The following DISP3 variants were observed in gnomAD, a reference collection of about 807,000 sequenced individuals.
The protein encoded by DISP3 is protein dispatched homolog 3.
In DISP3, 101 loss-of-function variants were observed where a neutral mutation model predicts 135.3. That is an observed-to-expected ratio of 0.75 (90% CI 0.64 to 0.88). The LOEUF (loss-of-function observed/expected upper bound fraction) is 0.88. Ranked by LOEUF, DISP3 falls within the 40% of genes least tolerant of loss-of-function variation. The probability of loss-of-function intolerance (pLI) is 0.00; values close to 1 mark genes in which losing one functional copy is unlikely to be tolerated. For missense variants in DISP3, 1,713 were observed against 1,878.6 expected (o/e 0.91, Z 1.63); for synonymous variants, 856 against 817.0 (o/e 1.05, Z -0.81).
At chr1:11,518,530 C>A (rs750423936) in intron 7 of DISP3, among the ~76,000 whole-genome samples, 15 of 152,148 alleles carry the variant, frequency 9.9e-5, no homozygotes, top group Non-Finnish European at 1.9e-4. Flanking sequence ...GAAAGGGCGC[C>A]TTTTCTGATC....
intron 1 of DISP3, among the ~76,000 whole-genome samples, chr1:11,488,718 GAGGACTGATTCT>G: frequency 6.6e-6 from 1 of 152,260 alleles, no homozygotes; most frequent in South Asian, 2.1e-4. Flanking sequence ...TGGGGGTTGG[GAGGACTGATTCT>G]AGGACCCTGA....
Position 11,501,238 on chromosome 1 carries a change from C to CAGCAT in DISP3, c.247_251dup (p.Pro85AlafsTer144). On this transcript the variant is annotated frameshift_variant, in exon 2 of 21. Coordinates refer to ENST00000294484, the MANE Select transcript of DISP3 (RefSeq NM_020780.2). LOFTEE classifies it high-confidence loss of function. This position sits in a 1 kb window ranked among gnomAD's most constrained non-coding sequence, Gnocchi z 4.9. ...CTGGGCTGGTGCTCTTCCTGGGCTGCAGCATCCCCATGGCCCTGTCAGCCT... is the reference window on the plus strand; with the variant it reads ...CTGGGCTGGTGCTCTTCCTGGGCTGCAGCATAGCATCCCCATGGCCCTGTCAGCCT... The CAGCAT allele has an allele frequency of 1.9e-6, 3 of 1,614,190 alleles. No individual in the cohort carries two copies. The highest frequency in any genetic ancestry group is 2.5e-6 in the Non-Finnish European group (3 of 1,180,038).
rs1443740206 is a variant in DISP3 at position 11,519,227 on chromosome 1, T to A, written c.1890-128T>A. ...GTGACCAGCTCCCAGAAGTCTGGGGTGCTCATCCTGTGTGTGACGTCAGCA... is the reference window on the plus strand; with the variant it reads ...GTGACCAGCTCCCAGAAGTCTGGGGAGCTCATCCTGTGTGTGACGTCAGCA... On this transcript the variant is annotated intron_variant, in intron 7 of 20. Coordinates refer to ENST00000294484, the MANE Select transcript of DISP3 (RefSeq NM_020780.2). This position sits in a 1 kb window ranked among gnomAD's most constrained non-coding sequence, Gnocchi z 4.3. The A allele has an allele frequency of 8.7e-7, 1 of 1,147,622 alleles. No individual in the cohort carries two copies. Among genetic ancestry groups the A allele is most frequent in the African/African-American group, 1.5e-5 (1 of 65,414 alleles). 71.1% of individuals were successfully genotyped at this position (1,147,622 alleles called of 1,614,324 possible).
At chr1:11,525,449 A>C in intron 12 of DISP3, 137 bp downstream of exon 12, 1 of 1,139,482 alleles carries the variant, frequency 8.8e-7, no homozygotes, top group Non-Finnish European at 1.2e-6. Context: ...CCCCTAAACC[A>C]GCCATGTCTG....
At chr1:11,535,722 A>G in intron 20 of DISP3, 78 bp downstream of exon 20, 2 of 1,516,688 alleles carry the variant, frequency 1.3e-6, no homozygotes, top group African/African-American at 1.4e-5. Context: ...GGGACCCTCA[A>G]GGGCAGCTGA....
Position 11,502,089 on chromosome 1 carries a change from G to A in DISP3, c.1096+1G>A. The A allele has an allele frequency of 6.5e-7, 1 of 1,544,642 alleles. No individual in the cohort carries two copies. Among genetic ancestry groups the A allele is most frequent in the Middle Eastern group, 2.0e-4 (1 of 4,928 alleles). On this transcript the variant is annotated splice_donor_variant, in intron 2 of 20. Transcript: ENST00000294484. LOFTEE classifies it high-confidence loss of function. ...GGCCAGGACCTGGCGGACATCCGGG[G>A]TGAGCCGCCGGGATGCTGGGAGGGG... is the stretch of plus-strand genomic sequence containing the variant.
At chr1:11,481,908 T>C (rs1640914049) in intron 1 of DISP3, 1 of 152,230 alleles carries the variant, frequency 6.6e-6, no homozygotes, top group African/African-American at 2.4e-5. Context: ...AGTAATTTTC[T>C]TGAGGTCATA....
chr1:11,483,247 T>G lies in DISP3; in HGVS notation c.-4+3875T>G, dbSNP rs1332776714. Among the ~76,000 whole-genome samples the G allele has an allele frequency of 6.6e-6, 1 of 152,256 alleles. No homozygotes were observed. Among genetic ancestry groups the G allele is most frequent in the African/African-American group, 2.4e-5 (1 of 41,466 alleles). ...GTGTCTGTGTGTTGTCAAAGCTCTT[T>G]GGAAACGGGCACCAGACATGGCTGA... is the stretch of plus-strand genomic sequence containing the variant. On this transcript the variant is annotated intron_variant, in intron 1 of 20. Transcript: ENST00000294484. The surrounding 1 kb of genome is among the most constrained non-coding windows in gnomAD (Gnocchi z 5.4).
rs371997382 is a variant in DISP3, at chr1:11,530,856, A to G, written c.3103-51A>G. 12 of 1,606,594 alleles carry G rather than the reference A, an allele frequency of 7.5e-6. No individual in the cohort carries two copies. The African/African-American group carries it at 1.6e-4, about 21-fold the overall frequency. ...GGTTGGGGGTGAGCACCCAGGACTG[A>G]GTCCCCGTCTCACTGAGCGGCCCGG... On this transcript the variant is annotated intron_variant, in intron 15 of 20. Coordinates refer to ENST00000294484, the MANE Select transcript of DISP3 (RefSeq NM_020780.2).
chr1:11,514,557 C>A (rs767385491), intron 4 of DISP3, 31 bp downstream of exon 4: 1 of 1,606,310 alleles, frequency 6.2e-7, no homozygotes, highest in African/African-American at 1.3e-5. Flanking sequence ...GCCCCCTCCT[C>A]CCCTCCCAGG....
At chr1:11,528,778 G>A (rs183273687) in intron 13 of DISP3, among the ~76,000 whole-genome samples, 2 of 152,296 alleles carry the variant, frequency 1.3e-5, no homozygotes, top group East Asian at 1.9e-4. Context: ...TGTGGTCTCC[G>A]ATGGGGCTCA....
intron 3 of DISP3, among the ~76,000 whole-genome samples, chr1:11,507,444 T>G (rs1641737566): frequency 6.6e-6 from 1 of 152,258 alleles, no homozygotes. Flanking sequence ...GCTTAGGTTT[T>G]TTTGGCTTCA....
Position 11,507,541 on chromosome 1 carries a change from C to T in DISP3, c.1316+4644C>T, listed in dbSNP as rs145504169. ...CTGATCTGCAAGTGTCTGCCCAAAG[C>T]TCTGCTAGCTTATCTGACTCCCAGC... On this transcript the variant is annotated intron_variant, in intron 3 of 20. Transcript: ENST00000294484. Among the ~76,000 whole-genome samples, 974 of 152,350 alleles carry T rather than the reference C, an allele frequency of 6.4e-3. 12 individuals carry two copies. Among genetic ancestry groups the T allele is most frequent in the African/African-American group, 0.022 (924 of 41,580 alleles).
chr1:11,480,437 C>G (rs1386711571), intron 1 of DISP3, among the ~76,000 whole-genome samples: 1 of 152,164 alleles, frequency 6.6e-6, no homozygotes, highest in African/African-American at 2.4e-5. Context: ...CAGGCGCACA[C>G]AATCCACGCA....
chr1:11,493,888 G>C (rs1389270805), intron 1 of DISP3, among the ~76,000 whole-genome samples: 2 of 152,214 alleles, frequency 1.3e-5, no homozygotes, highest in Admixed American at 1.3e-4. Context: ...TTCTGAGGTT[G>C]GTGGGAGACT....
intron 3 of DISP3, among the ~76,000 whole-genome samples, chr1:11,503,486 C>T (rs892149715): frequency 6.6e-6 from 1 of 152,172 alleles, no homozygotes; most frequent in Non-Finnish European, 1.5e-5. Context: ...ACCCCAGGGA[C>T]TGCTGGCATA....
chr1:11,502,643 C>T (rs2100415152), intron 2 of DISP3, 35 bp from the exon 3 acceptor site: 1 of 1,566,868 alleles, frequency 6.4e-7, no homozygotes, highest in East Asian at 2.3e-5. Flanking sequence ...AGCTGACCAG[C>T]TGAACTCTTG....
Position 11,520,912 on chromosome 1 carries a change from C to A in DISP3, c.2362+64C>A. On this transcript the variant is annotated intron_variant, in intron 10 of 20. Coordinates refer to ENST00000294484, the MANE Select transcript of DISP3 (RefSeq NM_020780.2). The surrounding 1 kb of genome is among the most constrained non-coding windows in gnomAD (Gnocchi z 4.8). ...TGTCCGGGTCCCAAAGACTGTTGGT[C>A]TGAGAGATGCAGGATCCAGGGTCCC... The A allele has an allele frequency of 1.3e-6, 2 of 1,494,320 alleles. No homozygotes were observed. Among genetic ancestry groups the A allele is most frequent in the South Asian group, 2.6e-5 (2 of 78,378 alleles). The allele number at this position is 1,494,320 out of a possible 1,614,324, so 92.6% of individuals were successfully genotyped here.
chr1:11,533,780 C>A lies in DISP3; in HGVS notation c.3376-601C>A, dbSNP rs201120700. The A allele has an allele frequency of 2.0e-5, 14 of 717,366 alleles. No homozygotes were observed. In the East Asian group the frequency reaches 3.8e-4, roughly 19 times the overall value. 44.4% of individuals were successfully genotyped at this position (717,366 alleles called of 1,614,324 possible). The stretch of plus-strand genomic sequence containing the variant: ...CTACTATGAACTGGCTTGTGCTCAG[C>A]AAGAGCAGAATTGATGAGCAGATAC... On this transcript the variant is annotated intron_variant, in intron 17 of 20. Coordinates refer to ENST00000294484, the MANE Select transcript of DISP3 (RefSeq NM_020780.2).
Sources: gnomAD v4.1 joint callset for allele counts (sites outside exome capture counted in the v4.1 genomes callset) on GRCh38, gnomAD v4.1.1 for gene constraint, Gnocchi (gnomAD v3.1) non-coding constraint, MANE v1.5 for transcripts, NCBI Gene and HGNC (gene_info 2026-07-23, HGNC 2026-07-21) for gene names.